B3GNT9: variants seen among roughly 807,000 people sequenced by gnomAD.
B3GNT9 encodes BGnT-9.
For synonymous variants in B3GNT9, 359 were observed against 283.9 expected, an observed-to-expected ratio of 1.26 and a Z score of -2.66; for missense variants, 669 against 599.2, an observed-to-expected ratio of 1.12 and a Z score of -1.22.
intron 1 of B3GNT9, 63 bp downstream of exon 1, chr16:67,150,802 G>A (rs2030453218): frequency 3.6e-6 from 1 of 276,126 alleles, no homozygotes; most frequent in Non-Finnish European, 6.8e-6. Context: ...CCCTCGCGCT[G>A]AGGCCGAATC....
chr16:67,149,381 C>T lies in B3GNT9; in HGVS notation c.1105G>A (p.Ala369Thr), dbSNP rs904951915. 2 of 1,601,776 alleles carry T rather than the reference C, an allele frequency of 1.2e-6. No individual in the cohort carries two copies. ...CGCCACATAAGCCAGATGTCAGCGGCCGAGAGCCCGTGCACTACAACCAGC... is the reference window on the plus strand; with the variant it reads ...CGCCACATAAGCCAGATGTCAGCGGTCGAGAGCCCGTGCACTACAACCAGC... Reference protein sequence around the residue: ...RELVVVHGLSAADIWLMWRLL... With the variant: ...RELVVVHGLSTADIWLMWRLL... Residue 369 changes from alanine to threonine, a missense_variant, in exon 2 of 2, where the codon GCC becomes ACC. Transcript: ENST00000449549.
At position 67,149,688 on chromosome 16, in the gene B3GNT9, C is replaced by T; in HGVS notation, c.798G>A (p.Thr266=). The change falls in exon 2 of 2, where the codon ACG becomes ACA. Residue 266 remains threonine, a synonymous_variant. Coordinates refer to ENST00000449549, the MANE Select transcript of B3GNT9 (RefSeq NM_033309.3). ...CGGGGATGTAGTACTTGCTAGCCCG[C>T]GTGCGGATGGGCCGCGCATGCACAA... The part of the protein sequence containing the change: ...DVIVHARPIR[T]RASKYYIPEA... The T allele has an allele frequency of 1.9e-6, 3 of 1,611,766 alleles. No homozygotes were observed. Among genetic ancestry groups the T allele is most frequent in the South Asian group, 1.1e-5 (1 of 90,938 alleles).
In B3GNT9 at chr16:67,150,458, C is replaced by A; in HGVS notation, c.28G>T (p.Asp10Tyr). 1 of 1,335,120 alleles carries A rather than the reference C, an allele frequency of 7.5e-7. No individual in the cohort carries two copies. Among genetic ancestry groups the A allele is most frequent in the Non-Finnish European group, 9.6e-7 (1 of 1,045,438 alleles). 82.7% of individuals were successfully genotyped at this position (1,335,120 alleles called of 1,614,324 possible). A position where few individuals can be genotyped will look rare whatever the true frequency, so the allele number is the denominator to read the frequency against. The change falls in exon 2 of 2, where the codon GAC becomes TAC. Residue 10 changes from aspartate (D) to tyrosine (Y), a missense_variant. Transcript: ENST00000449549. ...CCAAGGAGCAGCGTGAGCAATGCGT[C>A]CCTGCGTAGGCGCAGCCTCCTCCTC... MRRRLRLRR[D>Y]ALLTLLLGAS...
chr16:67,149,190 T>G lies in B3GNT9; in HGVS notation c.*87A>C. On this transcript the variant is annotated 3_prime_UTR_variant, in exon 2 of 2. Transcript: ENST00000449549. ...TCCTGTGGAGACAGGCACCTGGTGATCAGGGAAGAACCACATACACGGCAA... is the reference window on the plus strand; with the variant it reads ...TCCTGTGGAGACAGGCACCTGGTGAGCAGGGAAGAACCACATACACGGCAA... 2 of 1,459,162 alleles carry G rather than the reference T, an allele frequency of 1.4e-6. No individual in the cohort carries two copies. The highest frequency in any genetic ancestry group is 3.0e-5 in the South Asian group (2 of 66,144). The allele number at this position is 1,459,162 out of a possible 1,614,324, so 90.4% of individuals were successfully genotyped here. A position where few individuals can be genotyped will look rare whatever the true frequency, so the allele number is the denominator to read the frequency against.
chr16:67,150,415 AAG>A lies in B3GNT9; in HGVS notation c.69_70del (p.Leu24ThrfsTer59), dbSNP rs1350930297. 7.3e-7 allele frequency: 1 copy of A among 1,363,962 alleles called. No individual in the cohort carries two copies. 84.5% of individuals were successfully genotyped at this position (1,363,962 alleles called of 1,614,324 possible). On this transcript the variant is annotated frameshift_variant, in exon 2 of 2. Transcript: ENST00000449549. LOFTEE classifies it low-confidence loss of function (END_TRUNC). ...CGCGCCGTCGCGCTGCGCATAGAGTAAGAGGCCCAGGGAGGCGCCAAGGAGCA... is the reference window on the plus strand; with the variant it reads ...CGCGCCGTCGCGCTGCGCATAGAGTAAGGCCCAGGGAGGCGCCAAGGAGCA...
rs2030443040 is a variant in B3GNT9 at position 67,150,567 on chromosome 16, AG to A, written c.-83del. 1 of 1,154,300 alleles carries A rather than the reference AG, an allele frequency of 8.7e-7. No homozygotes were observed. The highest frequency in any genetic ancestry group is 4.3e-5 in the Admixed American group (1 of 23,512). The allele number at this position is 1,154,300 out of a possible 1,614,324, so 71.5% of individuals were successfully genotyped here. A position where few individuals can be genotyped will look rare whatever the true frequency, so the allele number is the denominator to read the frequency against. On this transcript the variant is annotated 5_prime_UTR_variant, in exon 2 of 2. Transcript: ENST00000449549. Reference sequence around the variant, plus strand: ...CAGCGAGCCCCGCCCTCCCCAGCTGAGGGGGCGGGAGGCCACGCCCCGGGGG... The same window carrying A: ...CAGCGAGCCCCGCCCTCCCCAGCTGAGGGGCGGGAGGCCACGCCCCGGGGG...
Position 67,150,274 on chromosome 16 carries a change from T to C in B3GNT9, c.212A>G (p.Asp71Gly). 1 of 1,462,468 alleles carries C rather than the reference T, an allele frequency of 6.8e-7. No homozygotes were observed. The highest frequency in any genetic ancestry group is 9.1e-7 in the Non-Finnish European group (1 of 1,103,636). 90.6% of individuals were successfully genotyped at this position (1,462,468 alleles called of 1,614,324 possible). A position where few individuals can be genotyped will look rare whatever the true frequency, so the allele number is the denominator to read the frequency against. ...AGAAPPAYEGDTPAPPTPTGP... is the reference protein window; with the variant it reads ...AGAAPPAYEGGTPAPPTPTGP... The stretch of plus-strand genomic sequence containing the variant: ...CGTAGGCGTGGGCGGCGCCGGTGTG[T>C]CCCCTTCGTAGGCCGGCGGGGCTGC... Residue 71 changes from aspartate to glycine, a missense_variant, in exon 2 of 2, where the codon GAC becomes GGC. Transcript: ENST00000449549.
chr16:67,149,397 T>G lies in B3GNT9; in HGVS notation c.1089A>C (p.Val363=). 1.2e-6 allele frequency: 2 copies of G among 1,603,552 alleles called. No homozygotes were observed. The highest frequency in any genetic ancestry group is 8.5e-7 in the Non-Finnish European group (1 of 1,175,142). ...FDPCFYRELV[V]VHGLSAADIW... ...TGTCAGCGGCCGAGAGCCCGTGCAC[T>G]ACAACCAGCTCACGGTAAAAGCAGG... Residue 363 remains valine, a synonymous_variant, in exon 2 of 2, where the codon GTA becomes GTC. Coordinates refer to ENST00000449549, the MANE Select transcript of B3GNT9 (RefSeq NM_033309.3).
Position 67,149,428 on chromosome 16 carries a change from A to C in B3GNT9, c.1058T>G (p.Phe353Cys). 1.2e-6 allele frequency: 2 copies of C among 1,605,532 alleles called. No homozygotes were observed. The highest frequency in any genetic ancestry group is 1.1e-5 in the South Asian group (1 of 89,708). ...CAGCTCACGGTAAAAGCAGGGGTCG[A>C]AGGTGCTCAAATGCGGCGCGGCTGA... ...QPSAAPHLST[F>C]DPCFYRELVV... Residue 353 changes from phenylalanine (F) to cysteine (C), a missense_variant, in exon 2 of 2, where the codon TTC (phenylalanine) becomes TGC (cysteine). Transcript: ENST00000449549.
Position 67,149,018 on chromosome 16 carries a change from A to C in B3GNT9, c.*259T>G. The stretch of plus-strand genomic sequence containing the variant: ...CTCTGTGCTACTAGGAGGACCAGAC[A>C]TATCCACTGCTCTGGGACCTGTTGG... On this transcript the variant is annotated 3_prime_UTR_variant, in exon 2 of 2. Transcript: ENST00000449549. 1.8e-6 allele frequency: 1 copy of C among 545,784 alleles called. No homozygotes were observed. Among genetic ancestry groups the C allele is most frequent in the East Asian group, 3.8e-5 (1 of 26,620 alleles). 33.8% of individuals were successfully genotyped at this position (545,784 alleles called of 1,614,324 possible).
In B3GNT9 at chr16:67,149,674, T is replaced by A. The variant is rs746020767; in HGVS notation, c.812A>T (p.Tyr271Phe). The A allele has an allele frequency of 6.2e-6, 10 of 1,609,374 alleles. No homozygotes were observed. Among genetic ancestry groups the A allele is most frequent in the Non-Finnish European group, 8.5e-6 (10 of 1,178,020 alleles). Residue 271 changes from tyrosine (Y) to phenylalanine (F), a missense_variant, in exon 2 of 2, where the codon TAC (tyrosine) becomes TTC (phenylalanine). Transcript: ENST00000449549. ...GCCGTACACGGCCTCGGGGATGTAG[T>A]ACTTGCTAGCCCGCGTGCGGATGGG... ...ARPIRTRASK[Y>F]YIPEAVYGLP... is the part of the protein sequence containing the mutation.
Position 67,149,696 on chromosome 16 carries a change from T to G in B3GNT9, c.790A>C (p.Ile264Leu). 6.2e-7 allele frequency: 1 copy of G among 1,612,506 alleles called. No individual in the cohort carries two copies. The highest frequency in any genetic ancestry group is 8.5e-7 in the Non-Finnish European group (1 of 1,179,384). ...TAGTACTTGCTAGCCCGCGTGCGGA[T>G]GGGCCGCGCATGCACAATTACGTCA... The part of the protein sequence containing the change: ...AGDVIVHARP[I>L]RTRASKYYIP... The change falls in exon 2 of 2, where the codon ATC (isoleucine) becomes CTC (leucine). Residue 264 changes from isoleucine (I) to leucine (L), a missense_variant. By Grantham distance (5) the Ile-to-Leu change is conservative (BLOSUM62 2). Transcript: ENST00000449549.
rs774057583 is a variant in B3GNT9, at chr16:67,150,481, C to T, written c.5G>A (p.Arg2Lys). The change falls in exon 2 of 2, where the codon AGG becomes AAG. Residue 2 changes from arginine to lysine, a missense_variant. Coordinates refer to ENST00000449549, the MANE Select transcript of B3GNT9 (RefSeq NM_033309.3). The part of the protein sequence containing the change: M[R>K]RRLRLRRDAL... ...GTCCCTGCGTAGGCGCAGCCTCCTC[C>T]TCATCTCCGCGCGGCCTGCGCCCTC... The T allele has an allele frequency of 5.3e-6, 7 of 1,310,284 alleles. No individual in the cohort carries two copies. Among genetic ancestry groups the T allele is most frequent in the South Asian group, 2.4e-5 (1 of 41,508 alleles). The allele number at this position is 1,310,284 out of a possible 1,614,324, so 81.2% of individuals were successfully genotyped here.
Position 67,150,586 on chromosome 16 carries a change from C to G in B3GNT9, c.-101G>C. ...CAGCTGAGGGGGCGGGAGGCCACGC[C>G]CCGGGGGGGGCTCCAGCGACCGACG... On this transcript the variant is annotated 5_prime_UTR_variant, in exon 2 of 2. Transcript: ENST00000449549. 9.6e-7 allele frequency: 1 copy of G among 1,038,540 alleles called. No homozygotes were observed. Among genetic ancestry groups the G allele is most frequent in the Non-Finnish European group, 1.2e-6 (1 of 809,124 alleles). The allele number at this position is 1,038,540 out of a possible 1,614,324, so 64.3% of individuals were successfully genotyped here. A position where few individuals can be genotyped will look rare whatever the true frequency, so the allele number is the denominator to read the frequency against.
Position 67,149,703 on chromosome 16 carries a change from C to T in B3GNT9, c.783G>A (p.Ala261=). 1.2e-6 allele frequency: 2 copies of T among 1,612,976 alleles called. No homozygotes were observed. The highest frequency in any genetic ancestry group is 1.7e-6 in the Non-Finnish European group (2 of 1,179,656). ...DLLAGDVIVH[A]RPIRTRASKY... ...TGCTAGCCCGCGTGCGGATGGGCCG[C>T]GCATGCACAATTACGTCACCAGCAA... The change falls in exon 2 of 2, where the codon GCG becomes GCA. Residue 261 remains alanine, a synonymous_variant. Coordinates refer to ENST00000449549, the MANE Select transcript of B3GNT9 (RefSeq NM_033309.3).
rs1377383904 is a variant in B3GNT9 at position 67,149,675 on chromosome 16, A to G, written c.811T>C (p.Tyr271His). Residue 271 changes from tyrosine to histidine, a missense_variant, in exon 2 of 2, where the codon TAC (tyrosine) becomes CAC (histidine). Coordinates refer to ENST00000449549, the MANE Select transcript of B3GNT9 (RefSeq NM_033309.3). Reference sequence around the variant, plus strand: ...CCGTACACGGCCTCGGGGATGTAGTACTTGCTAGCCCGCGTGCGGATGGGC... The same window carrying G: ...CCGTACACGGCCTCGGGGATGTAGTGCTTGCTAGCCCGCGTGCGGATGGGC... ...ARPIRTRASK[Y>H]YIPEAVYGLP... 1 of 1,609,690 alleles carries G rather than the reference A, an allele frequency of 6.2e-7. No homozygotes were observed. Among genetic ancestry groups the G allele is most frequent in the South Asian group, 1.1e-5 (1 of 90,722 alleles).
chr16:67,149,718 G>A lies in B3GNT9; in HGVS notation c.768C>T (p.Asp256=), dbSNP rs765664645. 1 of 1,613,456 alleles carries A rather than the reference G, an allele frequency of 6.2e-7. No homozygotes were observed. Among genetic ancestry groups the A allele is most frequent in the South Asian group, 1.1e-5 (1 of 91,076 alleles). Reference sequence around the variant, plus strand: ...GGATGGGCCGCGCATGCACAATTACGTCACCAGCAAGCAGGTCTTGCGCCG... The same window carrying A: ...GGATGGGCCGCGCATGCACAATTACATCACCAGCAAGCAGGTCTTGCGCCG... ...RDPAQDLLAG[D]VIVHARPIRT... Residue 256 remains aspartate, a synonymous_variant, in exon 2 of 2, where the codon GAC becomes GAT. Transcript: ENST00000449549.
At position 67,150,352 on chromosome 16, in the gene B3GNT9, G is replaced by A. The variant is rs2030427284; in HGVS notation, c.134C>T (p.Ala45Val). Residue 45 changes from alanine to valine, a missense_variant, in exon 2 of 2, where the codon GCG becomes GTG. Transcript: ENST00000449549. Reference sequence around the variant, plus strand: ...GGGTCCGGGGGTGGGCCTCGGTGCCGCCCTCCCTCGCCCTCGCGGCGCGCT... The same window carrying A: ...GGGTCCGGGGGTGGGCCTCGGTGCCACCCTCCCTCGCCCTCGCGGCGCGCT... ...TASAPRGRGR[A>V]APRPTPGPRA... The A allele has an allele frequency of 1.5e-6, 2 of 1,351,216 alleles. No homozygotes were observed. The highest frequency in any genetic ancestry group is 3.1e-5 in the East Asian group (1 of 32,724). 83.7% of individuals were successfully genotyped at this position (1,351,216 alleles called of 1,614,324 possible). A position where few individuals can be genotyped will look rare whatever the true frequency, so the allele number is the denominator to read the frequency against.
At position 67,150,476 on chromosome 16, in the gene B3GNT9, T is replaced by G. The variant is rs1007831742; in HGVS notation, c.10A>C (p.Arg4=). 5 of 1,313,550 alleles carry G rather than the reference T, an allele frequency of 3.8e-6. No homozygotes were observed. Among genetic ancestry groups the G allele is most frequent in the East Asian group, 3.1e-5 (1 of 32,420 alleles). The allele number at this position is 1,313,550 out of a possible 1,614,324, so 81.4% of individuals were successfully genotyped here. A position where few individuals can be genotyped will look rare whatever the true frequency, so the allele number is the denominator to read the frequency against. The change falls in exon 2 of 2, where the codon AGG becomes CGG. Residue 4 remains arginine (R), a synonymous_variant. Coordinates refer to ENST00000449549, the MANE Select transcript of B3GNT9 (RefSeq NM_033309.3). Reference sequence around the variant, plus strand: ...AATGCGTCCCTGCGTAGGCGCAGCCTCCTCCTCATCTCCGCGCGGCCTGCG... The same window carrying G: ...AATGCGTCCCTGCGTAGGCGCAGCCGCCTCCTCATCTCCGCGCGGCCTGCG... MRR[R]LRLRRDALLT... is the part of the protein sequence containing the mutation.
Sources: allele counts gnomAD v4.1 joint callset, GRCh38; gene constraint gnomAD v4.1.1; transcripts MANE v1.5; gene names NCBI Gene and HGNC (gene_info 2026-07-23, HGNC 2026-07-21).